The following COLEC10 variants were observed in gnomAD, a reference collection of about 807,000 sequenced individuals.
The protein encoded by COLEC10 is collectin subfamily member 10, also known as collectin-10.
A neutral mutation model predicts 28.4 loss-of-function variants in COLEC10; 22 were observed. The observed-to-expected ratio is 0.78, with a 90% confidence interval of 0.55 to 1.11. The LOEUF (loss-of-function observed/expected upper bound fraction) is 1.11. Ranked by LOEUF, COLEC10 falls within the 50% of genes least tolerant of loss-of-function variation. The pLI is 0.00. For synonymous variants in COLEC10, 125 were observed against 116.1 expected (o/e 1.08, Z -0.49); for missense variants, 361 against 344.1 (o/e 1.05, Z -0.39).
the COLEC10 span, among the ~76,000 whole-genome samples, chr8:118,988,870 C>T: frequency 6.6e-6 from 1 of 152,162 alleles, no homozygotes; most frequent in Non-Finnish European, 1.5e-5. Flanking sequence ...AACATAAATC[C>T]TCACACTACA....
chr8:118,968,966 G>A, the COLEC10 span, among the ~76,000 whole-genome samples: 3 of 150,686 alleles, frequency 2.0e-5, no homozygotes, highest in African/African-American at 7.4e-5. Context: ...CAGAAACCGT[G>A]AGTGTGTTAA....
At chr8:119,078,869 T>C (rs1815307608) in intron 1 of COLEC10, among the ~76,000 whole-genome samples, 1 of 152,180 alleles carries the variant, frequency 6.6e-6, no homozygotes, top group Non-Finnish European at 1.5e-5. Flanking sequence ...CACTTTCTCC[T>C]TAAATTTGTT....
intron 3 of COLEC10, among the ~76,000 whole-genome samples, chr8:119,099,895 G>A (rs982823200): frequency 5.9e-5 from 9 of 151,912 alleles, no homozygotes; most frequent in South Asian, 2.1e-4. Flanking sequence ...TTAAAAGCCC[G>A]TCATTTTCCC....
chr8:118,988,091 G>A, the COLEC10 span, among the ~76,000 whole-genome samples: 1 of 152,132 alleles, frequency 6.6e-6, no homozygotes, highest in African/African-American at 2.4e-5. Flanking sequence ...AGAAGCTGCT[G>A]GAGCCATAGA....
rs112102332 is a variant in COLEC10 at position 119,059,805 on chromosome 8, C to T, written n.236-29875C>T. Among the ~76,000 whole-genome samples, 52 of 152,038 alleles carry T rather than the reference C, an allele frequency of 3.4e-4. 1 individual carries two copies. Among genetic ancestry groups the T allele is most frequent in the Non-Finnish European group, 1.6e-4 (11 of 67,942 alleles). ...TGTATGTTATTTGGGTGATGGATAC[C>T]GTGAAAGTCCTAACATGACCACTAC... On this transcript the variant is annotated intron_variant and non_coding_transcript_variant, in intron 2 of 6. Transcript: ENST00000521788.
At chr8:119,099,260 G>A (rs1815776971) in intron 3 of COLEC10, among the ~76,000 whole-genome samples, 1 of 151,896 alleles carries the variant, frequency 6.6e-6, no homozygotes, top group Non-Finnish European at 1.5e-5. Context: ...TGGGGAAATA[G>A]ACATTGTAAG....
chr8:119,024,738 A>T (rs1243442005), intron 2 of COLEC10, among the ~76,000 whole-genome samples: 1 of 151,984 alleles, frequency 6.6e-6, no homozygotes, highest in African/African-American at 2.4e-5. Context: ...GACTGGATAC[A>T]TTTTTTTCAC....
At chr8:118,957,440 G>T in the COLEC10 span, among the ~76,000 whole-genome samples, 1 of 152,174 alleles carries the variant, frequency 6.6e-6, no homozygotes, top group Non-Finnish European at 1.5e-5. Context: ...AATGGAGGTA[G>T]AGAAAAGAAC....
At chr8:119,073,889 T>C (rs867278180) in intron 1 of COLEC10, among the ~76,000 whole-genome samples, 2 of 151,886 alleles carry the variant, frequency 1.3e-5, no homozygotes, top group Admixed American at 1.3e-4. Context: ...GGCTTTTATA[T>C]GTATATATCA....
intron 1 of COLEC10, among the ~76,000 whole-genome samples, chr8:119,089,121 T>C (rs1316012094): frequency 6.6e-6 from 1 of 152,206 alleles, no homozygotes; most frequent in Non-Finnish European, 1.5e-5. Context: ...AGTCTGGGCA[T>C]TGTTCATTAA....
Position 119,071,111 on chromosome 8 carries a change from TA to T in COLEC10, c.148+3689del, listed in dbSNP as rs559119254. ...AGTCCCCCAGTCACATTTTGGTGAT[TA>T]AAAAAATGTACAGGGCAAAGTCAAA... On this transcript the variant is annotated intron_variant, in intron 1 of 5. Coordinates refer to ENST00000332843, the MANE Select transcript of COLEC10 (RefSeq NM_006438.5). Among the ~76,000 whole-genome samples the T allele has an allele frequency of 9.1e-3, 1,389 of 152,178 alleles. 14 individuals carry two copies. Among genetic ancestry groups the T allele is most frequent in the Non-Finnish European group, 0.011 (747 of 67,992 alleles).
At chr8:119,078,623 G>T (rs569462489) in intron 1 of COLEC10, among the ~76,000 whole-genome samples, 2 of 152,120 alleles carry the variant, frequency 1.3e-5, no homozygotes, top group Admixed American at 1.3e-4. Flanking sequence ...TATTTCTGAG[G>T]CATTATTTTT....
chr8:118,988,693 C>T, the COLEC10 span, among the ~76,000 whole-genome samples: 1 of 152,196 alleles, frequency 6.6e-6, no homozygotes, highest in Non-Finnish European at 1.5e-5. Context: ...AGTATAATAA[C>T]AGTGGATTAT....
the COLEC10 span, among the ~76,000 whole-genome samples, chr8:118,989,204 G>A: frequency 6.6e-6 from 1 of 152,094 alleles, no homozygotes; most frequent in Admixed American, 6.6e-5. Context: ...AAAAGCAACA[G>A]AAATAATGAA....
intron 1 of COLEC10, among the ~76,000 whole-genome samples, chr8:119,082,990 C>A (rs551707973): frequency 9.9e-5 from 15 of 152,256 alleles, no homozygotes; most frequent in Admixed American, 8.5e-4. Context: ...GAGGCTTTGA[C>A]CTCTTCCTGG....
Position 119,103,800 on chromosome 8 carries a change from G to A in COLEC10, c.347G>A (p.Gly116Asp), listed in dbSNP as rs779914683. ...ATTCACAGTTTTTGTCATTTAAAAG[G>A]TACTGTCTGTGATTGTGGAAGATAC... ...LGIPGEKGKAGTVCDCGRYRK... is the reference protein window; with the variant it reads ...LGIPGEKGKADTVCDCGRYRK... Residue 116 changes from glycine to aspartate, a missense_variant and splice_region_variant, in exon 5 of 6, where the codon GGT becomes GAT. Around this residue, in one of 3 missense-constraint regions of COLEC10, gnomAD observed 335 missense variants for 308.5 expected, o/e 1.09. Transcript: ENST00000332843. 3 of 1,600,006 alleles carry A rather than the reference G, an allele frequency of 1.9e-6. No homozygotes were observed. The highest frequency in any genetic ancestry group is 2.6e-6 in the Non-Finnish European group (3 of 1,167,706).
At chr8:119,024,283 T>C (rs1314832185) in intron 2 of COLEC10, among the ~76,000 whole-genome samples, 1 of 152,086 alleles carries the variant, frequency 6.6e-6, no homozygotes, top group East Asian at 1.9e-4. Context: ...GAAGAAAGGC[T>C]TTAAGGATTG....
At chr8:119,028,829 A>T (rs1295332652) in intron 2 of COLEC10, among the ~76,000 whole-genome samples, 1 of 152,202 alleles carries the variant, frequency 6.6e-6, no homozygotes, top group Non-Finnish European at 1.5e-5. Context: ...CAAGAATAAA[A>T]ATCACTATGG....
chr8:119,107,293 G>A lies in COLEC10; in HGVS notation c.*1102G>A, dbSNP rs914271095. Among the ~76,000 whole-genome samples, 11 of 152,272 alleles carry A rather than the reference G, an allele frequency of 7.2e-5. No homozygotes were observed. Among genetic ancestry groups the A allele is most frequent in the African/African-American group, 2.4e-4 (10 of 41,556 alleles). On this transcript the variant is annotated 3_prime_UTR_variant, in exon 6 of 6. Coordinates refer to ENST00000332843, the MANE Select transcript of COLEC10 (RefSeq NM_006438.5). ...TCCCTTCTAATACTCTGGCATCACA[G>A]AAATGTGTGAGGCACAGAATTCGGA...
Sources: gnomAD v4.1 joint callset for allele counts (sites outside exome capture counted in the v4.1 genomes callset) on GRCh38, gnomAD v4.1.1 for gene constraint, gnomAD v4.1.1 regional missense constraint, MANE v1.5 for transcripts, NCBI Gene and HGNC (gene_info 2026-07-23, HGNC 2026-07-21) for gene names.